The following RALYL variants were observed in gnomAD, a reference collection of about 807,000 sequenced individuals.
The protein encoded by RALYL is RALY RNA binding protein like.
Under a neutral mutation model 35.1 loss-of-function variants are expected in RALYL, and 29 were observed. That is an observed-to-expected ratio of 0.83 (90% CI 0.61 to 1.13). RALYL has a LOEUF of 1.13. Among genes scored for constraint, RALYL ranks in the 50% most tolerant of loss-of-function variants. RALYL has a pLI of 0.00. For missense variants in RALYL, 359 were observed against 360.4 expected (o/e 1.00, Z 0.03); for synonymous variants, 120 against 127.6 (o/e 0.94, Z 0.40).
intron 6 of RALYL, 113 bp from the exon 7 acceptor site, chr8:84,873,171 C>A: frequency 1.8e-6 from 1 of 542,296 alleles, no homozygotes. Flanking sequence ...GAAAAATGTC[C>A]TATGTGATTT....
Position 84,787,708 on chromosome 8 carries a change from G to A in RALYL, c.332+13054G>A, listed in dbSNP as rs1819870934. ...GTTGTTTCCTGACATTTTAATGATC[G>A]CCATTCTAACTGGTGTGAGATGGTG... On this transcript the variant is annotated intron_variant, in intron 3 of 8. Coordinates refer to ENST00000521268, the MANE Select transcript of RALYL (RefSeq NM_173848.7). Among the ~76,000 whole-genome samples the A allele has an allele frequency of 7.9e-5, 12 of 152,224 alleles. No individual in the cohort carries two copies. The South Asian group carries it at 2.3e-3, about 29-fold the overall frequency.
At chr8:84,525,533 A>AAATTTGAT in intron 1 of RALYL, among the ~76,000 whole-genome samples, 1 of 151,962 alleles carries the variant, frequency 6.6e-6, no homozygotes, top group Non-Finnish European at 1.5e-5. Context: ...CATTTTTATC[A>AAATTTGAT]AATTTGGAAT....
At chr8:84,369,840 T>A (rs1367611441) in intron 1 of RALYL, among the ~76,000 whole-genome samples, 1 of 152,164 alleles carries the variant, frequency 6.6e-6, no homozygotes, top group Non-Finnish European at 1.5e-5. Context: ...CGAATTTTTT[T>A]CTTCCCAAAG....
At chr8:84,758,262 T>C (rs1208327032) in intron 2 of RALYL, among the ~76,000 whole-genome samples, 4 of 152,198 alleles carry the variant, frequency 2.6e-5, no homozygotes, top group African/African-American at 9.7e-5. Context: ...CAGAGTTTAT[T>C]TGGTGGAAAG....
At chr8:84,751,562 C>A (rs888318687) in intron 2 of RALYL, among the ~76,000 whole-genome samples, 1 of 152,010 alleles carries the variant, frequency 6.6e-6, no homozygotes, top group African/African-American at 2.4e-5. Context: ...TGTGTGTCTG[C>A]CCAAATCTCA....
At chr8:84,209,269 T>A (rs745763946) in intron 1 of RALYL, among the ~76,000 whole-genome samples, 4 of 152,136 alleles carry the variant, frequency 2.6e-5, no homozygotes, top group African/African-American at 4.8e-5. Flanking sequence ...TTGCTGCCGG[T>A]TGAACAAAAC....
chr8:84,326,115 A>G (rs2130565099), intron 1 of RALYL, among the ~76,000 whole-genome samples: 1 of 152,324 alleles, frequency 6.6e-6, no homozygotes, highest in Non-Finnish European at 1.5e-5. Context: ...CTGTCTCAAA[A>G]CAAAGCAAAA....
At chr8:84,436,530 A>C (rs1266678037) in intron 1 of RALYL, among the ~76,000 whole-genome samples, 1 of 141,868 alleles carries the variant, frequency 7.0e-6, no homozygotes, top group Non-Finnish European at 1.5e-5. Flanking sequence ...GTGTCTTTTC[A>C]ACAATCATGG....
intron 1 of RALYL, among the ~76,000 whole-genome samples, chr8:84,484,610 GA>G (rs895483154): frequency 1.3e-5 from 2 of 151,810 alleles, no homozygotes; most frequent in African/African-American, 2.4e-5. Flanking sequence ...CACGTTAAAA[GA>G]AAAAAAGATC....
chr8:84,248,668 C>A (rs542847142), intron 1 of RALYL, among the ~76,000 whole-genome samples: 26 of 152,160 alleles, frequency 1.7e-4, no homozygotes, highest in South Asian at 6.2e-4. Flanking sequence ...TTCTTGTTAT[C>A]TGTTCTGATG....
chr8:84,523,427 A>G (rs565408005), intron 1 of RALYL, among the ~76,000 whole-genome samples: 3 of 152,254 alleles, frequency 2.0e-5, no homozygotes, highest in African/African-American at 4.8e-5. Context: ...TTACAATTCA[A>G]GGTGAGATTT....
At chr8:84,668,737 T>C (rs1353728830) in intron 2 of RALYL, among the ~76,000 whole-genome samples, 2 of 152,134 alleles carry the variant, frequency 1.3e-5, no homozygotes, top group African/African-American at 4.8e-5. Flanking sequence ...ATGATGACTG[T>C]TATTAGAGCT....
At chr8:84,586,411 C>G (rs1812023102) in intron 2 of RALYL, among the ~76,000 whole-genome samples, 1 of 152,002 alleles carries the variant, frequency 6.6e-6, no homozygotes, top group Non-Finnish European at 1.5e-5. Flanking sequence ...AATTTCATTC[C>G]AAGTCTGCCA....
intron 1 of RALYL, among the ~76,000 whole-genome samples, chr8:84,248,041 G>A (rs1481748018): frequency 6.6e-6 from 1 of 152,062 alleles, no homozygotes; most frequent in Non-Finnish European, 1.5e-5. Context: ...TTTTAATCAT[G>A]ATAATTACAA....
intron 1 of RALYL, among the ~76,000 whole-genome samples, chr8:84,499,199 G>A (rs2056407411): frequency 6.6e-6 from 1 of 151,718 alleles, no homozygotes; most frequent in South Asian, 2.1e-4. Context: ...ATCATTCAGT[G>A]AACATTGTAC....
At chr8:84,769,913 C>G (rs1056304990) in intron 2 of RALYL, among the ~76,000 whole-genome samples, 1 of 152,050 alleles carries the variant, frequency 6.6e-6, no homozygotes, top group Admixed American at 6.6e-5. Flanking sequence ...CATGCTCTTA[C>G]CACCCAATTT....
chr8:84,621,838 A>G (rs1215490198), intron 2 of RALYL, among the ~76,000 whole-genome samples: 1 of 152,134 alleles, frequency 6.6e-6, no homozygotes, highest in Middle Eastern at 3.4e-3. Flanking sequence ...TATAATGTCA[A>G]CTCTAGCCTA....
At chr8:84,495,615 G>T (rs1412714789) in intron 1 of RALYL, among the ~76,000 whole-genome samples, 1 of 151,988 alleles carries the variant, frequency 6.6e-6, no homozygotes, top group East Asian at 1.9e-4. Context: ...TTCATACAAG[G>T]TATGTGATAT....
At chr8:84,410,804 C>G (rs1209369513) in intron 1 of RALYL, among the ~76,000 whole-genome samples, 1 of 151,276 alleles carries the variant, frequency 6.6e-6, no homozygotes, top group South Asian at 2.1e-4. Flanking sequence ...AAATATTACC[C>G]CAAATTTAAG....
Sources: gnomAD v4.1 joint callset for allele counts (sites outside exome capture counted in the v4.1 genomes callset) on GRCh38, gnomAD v4.1.1 for gene constraint, MANE v1.5 for transcripts, NCBI Gene and HGNC (gene_info 2026-07-23, HGNC 2026-07-21) for gene names.